The following CLDN17 variants were observed in gnomAD, a reference collection of about 807,000 sequenced individuals.
The protein encoded by CLDN17 is claudin 17.
CLDN17 carries 1 observed loss-of-function variant against 0.1 expected under a neutral mutation model. That is an observed-to-expected ratio of 8.90 (90% CI 3.16 to 42.21). The LOEUF is 42.21. Among genes scored for constraint, CLDN17 ranks in the 30% most tolerant of loss-of-function variants. The pLI is 0.11. For synonymous variants in CLDN17, 134 were observed against 106.7 expected, an observed-to-expected ratio of 1.26 and a Z score of -1.58; for missense variants, 294 against 274.9, an observed-to-expected ratio of 1.07 and a Z score of -0.49.
In CLDN17 at chr21:30,165,959, G is replaced by A. The variant is rs188114857; in HGVS notation, c.659C>T (p.Ser220Phe). ...AAGGAGGCATTAGACATAACTGGTGGAGGTCTTACTAAGCATTGTCGTATT... is the reference window on the plus strand; with the variant it reads ...AAGGAGGCATTAGACATAACTGGTGAAGGTCTTACTAAGCATTGTCGTATT... Reference protein sequence around the residue: ...RRNTTMLSKTSTSYV With the variant: ...RRNTTMLSKTFTSYV Residue 220 changes from serine (S) to phenylalanine (F), a missense_variant, in exon 1 of 1, where the codon TCC becomes TTC. Physicochemically the swap from Ser to Phe is radical, Grantham distance 155 (BLOSUM62 -2). Transcript: ENST00000286808. 253 of 1,613,890 alleles carry A rather than the reference G, an allele frequency of 1.6e-4. No homozygotes were observed. The East Asian group carries it at 5.5e-3, about 35-fold the overall frequency.
Position 30,166,256 on chromosome 21 carries a change from G to A in CLDN17, c.362C>T (p.Thr121Ile). 3 of 1,614,184 alleles carry A rather than the reference G, an allele frequency of 1.9e-6. No individual in the cohort carries two copies. The highest frequency in any genetic ancestry group is 1.7e-4 in the Middle Eastern group (1 of 6,060). ...CGTCAGGATGAAGAGGACTCCTGAA[G>A]TTCCCAGAAGGTATGCTTTGGCCCT... is the stretch of plus-strand genomic sequence containing the variant. ...NERAKAYLLG[T>I]SGVLFILTGI... The change falls in exon 1 of 1, where the codon ACT (threonine) becomes ATT (isoleucine). Residue 121 changes from threonine (T) to isoleucine (I), a missense_variant. Thr to Ile is a moderately conservative substitution (Grantham distance 89). Transcript: ENST00000286808.
chr21:30,166,277 G>T lies in CLDN17; in HGVS notation c.341C>A (p.Ala114Asp). 1.2e-6 allele frequency: 2 copies of T among 1,614,140 alleles called. No individual in the cohort carries two copies. The highest frequency in any genetic ancestry group is 1.7e-6 in the Non-Finnish European group (2 of 1,180,028). ...TGAAGTTCCCAGAAGGTATGCTTTG[G>T]CCCTCTCGTTAGAGCCTGTGCACTG... ...QVQCTGSNER[A>D]KAYLLGTSGV... The change falls in exon 1 of 1, where the codon GCC becomes GAC. Residue 114 changes from alanine to aspartate, a missense_variant. Coordinates refer to ENST00000286808, the MANE Select transcript of CLDN17 (RefSeq NM_012131.3).
In CLDN17 at chr21:30,166,177, A is replaced by G. The variant is rs1980841730; in HGVS notation, c.441T>C (p.Asp147=). Residue 147 remains aspartate (D), a synonymous_variant, in exon 1 of 1, where the codon GAT becomes GAC. Transcript: ENST00000286808. ...VSWTANIIIR[D]FYNPAIHIGQ... is the part of the protein sequence containing the mutation. ...CTATGTGGATGGCTGGGTTGTAGAAATCTCTGATGATTATATTGGCTGTCC... is the reference window on the plus strand; with the variant it reads ...CTATGTGGATGGCTGGGTTGTAGAAGTCTCTGATGATTATATTGGCTGTCC... The G allele has an allele frequency of 6.2e-7, 1 of 1,613,994 alleles. No homozygotes were observed. The highest frequency in any genetic ancestry group is 8.5e-7 in the Non-Finnish European group (1 of 1,180,018).
rs776055722 is a variant in CLDN17 at position 30,166,804 on chromosome 21, A to G, written c.-187T>C. The G allele has an allele frequency of 1.9e-5, 11 of 586,032 alleles. No individual in the cohort carries two copies. Among genetic ancestry groups the G allele is most frequent in the Non-Finnish European group, 3.1e-5 (10 of 325,630 alleles). The allele number at this position is 586,032 out of a possible 1,614,324, so 36.3% of individuals were successfully genotyped here. A position where few individuals can be genotyped will look rare whatever the true frequency, so the allele number is the denominator to read the frequency against. ...AACTAGAAGTACCTGTTGTAAATGC[A>G]TGTTGCCTTTTTTCATACACATTCA... On this transcript the variant is annotated 5_prime_UTR_variant, in exon 1 of 1. It removes an upstream start codon present in the reference 5' UTR. Transcript: ENST00000286808.
rs755362951 is a variant in CLDN17, at chr21:30,166,018, A to G, written c.600T>C (p.Pro200=). 6 of 1,614,230 alleles carry G rather than the reference A, an allele frequency of 3.7e-6. No individual in the cohort carries two copies. The South Asian group carries it at 4.4e-5, about 12-fold the overall frequency. The change falls in exon 1 of 1, where the codon CCT becomes CCC. Residue 200 remains proline (P), a synonymous_variant. Coordinates refer to ENST00000286808, the MANE Select transcript of CLDN17 (RefSeq NM_012131.3). The part of the protein sequence containing the change: ...RKKQGYRYPV[P]GYRVPHTDKR... ...TATCTGTGTGTGGCACACGGTAGCC[A>G]GGCACTGGATATCTGTACCCTTGCT...
Position 30,166,501 on chromosome 21 carries a change from G to A in CLDN17, c.117C>T (p.Asn39=), listed in dbSNP as rs775661818. ...CCCAGAGCCTCTCAAAGACAATAAT[G>A]TTGCTGCCAACAAAAGCTGATACTC... ...QWRVSAFVGS[N]IIVFERLWEG... is the part of the protein sequence containing the mutation. The change falls in exon 1 of 1, where the codon AAC becomes AAT. Residue 39 remains asparagine (N), a synonymous_variant. Transcript: ENST00000286808. 3.7e-6 allele frequency: 6 copies of A among 1,614,018 alleles called. No individual in the cohort carries two copies. Among genetic ancestry groups the A allele is most frequent in the East Asian group, 4.5e-5 (2 of 44,882 alleles).
In CLDN17 at chr21:30,165,634, C is replaced by T. The variant is rs2146492694; in HGVS notation, c.*309G>A. On this transcript the variant is annotated 3_prime_UTR_variant, in exon 1 of 1. Transcript: ENST00000286808. The stretch of plus-strand genomic sequence containing the variant: ...AACTTTAGATTCTTATCAGATAATA[C>T]ATGATGGTCAAAAAGTAATAAGTAG... The T allele has an allele frequency of 5.3e-6, 2 of 375,398 alleles. No homozygotes were observed. Among genetic ancestry groups the T allele is most frequent in the Non-Finnish European group, 9.6e-6 (2 of 208,218 alleles). The allele number at this position is 375,398 out of a possible 1,614,324, so 23.3% of individuals were successfully genotyped here. A position where few individuals can be genotyped will look rare whatever the true frequency, so the allele number is the denominator to read the frequency against.
Position 30,166,341 on chromosome 21 carries a change from T to C in CLDN17, c.277A>G (p.Ile93Val). ...LMCVAVALSLIALLIGICGMK... is the reference protein window; with the variant it reads ...LMCVAVALSLVALLIGICGMK... ...CCACAGATGCCAATAAGCAGGGCGA[T>C]CAAGGAGAGAGCAACAGCCACACAC... is the stretch of plus-strand genomic sequence containing the variant. Residue 93 changes from isoleucine to valine, a missense_variant, in exon 1 of 1, where the codon ATC (isoleucine) becomes GTC (valine). Transcript: ENST00000286808. 2 of 1,614,086 alleles carry C rather than the reference T, an allele frequency of 1.2e-6. No homozygotes were observed. The highest frequency in any genetic ancestry group is 1.1e-5 in the South Asian group (1 of 91,076).
In CLDN17 at chr21:30,165,994, A is replaced by C. The variant is rs770759302; in HGVS notation, c.624T>G (p.Asp208Glu). 6.2e-7 allele frequency: 1 copy of C among 1,614,174 alleles called. No individual in the cohort carries two copies. Residue 208 changes from aspartate (D) to glutamate (E), a missense_variant, in exon 1 of 1, where the codon GAT becomes GAG. Physicochemically the swap from Asp to Glu is conservative, Grantham distance 45. Coordinates refer to ENST00000286808, the MANE Select transcript of CLDN17 (RefSeq NM_012131.3). The part of the protein sequence containing the change: ...PVPGYRVPHT[D>E]KRRNTTMLSK... ...TAAGCATTGTCGTATTTCTTCGCTT[A>C]TCTGTGTGTGGCACACGGTAGCCAG...
Position 30,166,248 on chromosome 21 carries a change from C to T in CLDN17, c.370G>A (p.Val124Ile). The T allele has an allele frequency of 1.2e-6, 2 of 1,614,186 alleles. No individual in the cohort carries two copies. Among genetic ancestry groups the T allele is most frequent in the Non-Finnish European group, 1.7e-6 (2 of 1,180,030 alleles). The change falls in exon 1 of 1, where the codon GTC (valine) becomes ATC (isoleucine). Residue 124 changes from valine (V) to isoleucine (I), a missense_variant. Transcript: ENST00000286808. ...AKAYLLGTSG[V>I]LFILTGIFVL... ...AAGATGCCCGTCAGGATGAAGAGGACTCCTGAAGTTCCCAGAAGGTATGCT... is the reference window on the plus strand; with the variant it reads ...AAGATGCCCGTCAGGATGAAGAGGATTCCTGAAGTTCCCAGAAGGTATGCT...
In CLDN17 at chr21:30,166,079, C is replaced by A. The variant is rs1249719058; in HGVS notation, c.539G>T (p.Gly180Val). Residue 180 changes from glycine (G) to valine (V), a missense_variant, in exon 1 of 1, where the codon GGT becomes GTT. By Grantham distance (109) the Gly-to-Val change is moderately radical. Transcript: ENST00000286808. ...ASAAVLFIGG[G>V]LLCGFCCCNR... ...GCAGCAGCAAAATCCACAAAGCAGA[C>A]CCCCTCCAATGAAGAGGACAGCAGC... 5.6e-6 allele frequency: 9 copies of A among 1,614,166 alleles called. No individual in the cohort carries two copies. The highest frequency in any genetic ancestry group is 4.4e-5 in the South Asian group (4 of 91,080).
Position 30,165,999 on chromosome 21 carries a change from T to G in CLDN17, c.619A>C (p.Thr207Pro). Reference protein sequence around the residue: ...YPVPGYRVPHTDKRRNTTMLS... With the variant: ...YPVPGYRVPHPDKRRNTTMLS... ...ATTGTCGTATTTCTTCGCTTATCTG[T>G]GTGTGGCACACGGTAGCCAGGCACT... The change falls in exon 1 of 1, where the codon ACA becomes CCA. Residue 207 changes from threonine to proline, a missense_variant. By Grantham distance (38) the Thr-to-Pro change is conservative. Transcript: ENST00000286808. The G allele has an allele frequency of 6.2e-7, 1 of 1,614,208 alleles. No homozygotes were observed.
In CLDN17 at chr21:30,166,614, C is replaced by G. The variant is rs377630320; in HGVS notation, c.4G>C (p.Ala2Pro). The stretch of plus-strand genomic sequence containing the variant: ...CCAGCAATTTGCAAGGGATAAAATG[C>G]CATTGCCTTTACTTTGAAGACTGGT... M[A>P]FYPLQIAGLV... is the part of the protein sequence containing the mutation. The change falls in exon 1 of 1, where the codon GCA becomes CCA. Residue 2 changes from alanine (A) to proline (P), a missense_variant. Ala to Pro is a conservative substitution (Grantham distance 27). Transcript: ENST00000286808. 1 of 1,606,256 alleles carries G rather than the reference C, an allele frequency of 6.2e-7. No homozygotes were observed. The highest frequency in any genetic ancestry group is 1.1e-5 in the South Asian group (1 of 89,604).
rs57014707 is a variant in CLDN17, at chr21:30,165,835, G to A, written c.*108C>T. The A allele has an allele frequency of 5.7e-6, 6 of 1,050,588 alleles. No individual in the cohort carries two copies. In the African/African-American group the frequency reaches 8.0e-5, roughly 14 times the overall value. The allele number at this position is 1,050,588 out of a possible 1,614,324, so 65.1% of individuals were successfully genotyped here. On this transcript the variant is annotated 3_prime_UTR_variant, in exon 1 of 1. Transcript: ENST00000286808. ...AACAAATTGAAACTTTCGTATCAATGTAAATCTAGACATAAAGCAAGTTCT... is the reference window on the plus strand; with the variant it reads ...AACAAATTGAAACTTTCGTATCAATATAAATCTAGACATAAAGCAAGTTCT...
In CLDN17 at chr21:30,165,865, C is replaced by T. The variant is rs1980832508; in HGVS notation, c.*78G>A. ...TCTAGACATAAAGCAAGTTCTCCTG[C>T]CTCACATACTTACAGTTTCTAGCAG... On this transcript the variant is annotated 3_prime_UTR_variant, in exon 1 of 1. Coordinates refer to ENST00000286808, the MANE Select transcript of CLDN17 (RefSeq NM_012131.3). 3 of 1,337,680 alleles carry T rather than the reference C, an allele frequency of 2.2e-6. 1 individual carries two copies. The South Asian group carries it at 4.2e-5, about 19-fold the overall frequency. The allele number at this position is 1,337,680 out of a possible 1,614,324, so 82.9% of individuals were successfully genotyped here. A position where few individuals can be genotyped will look rare whatever the true frequency, so the allele number is the denominator to read the frequency against.
rs1314381760 is a variant in CLDN17, at chr21:30,166,225, G to C, written c.393C>G (p.Ile131Met). 1 of 1,614,200 alleles carries C rather than the reference G, an allele frequency of 6.2e-7. No homozygotes were observed. The highest frequency in any genetic ancestry group is 8.5e-7 in the Non-Finnish European group (1 of 1,180,042). ...TSGVLFILTG[I>M]FVLIPVSWTA... ...TCCAGCTCACCGGAATCAGAACGAAGATGCCCGTCAGGATGAAGAGGACTC... is the reference window on the plus strand; with the variant it reads ...TCCAGCTCACCGGAATCAGAACGAACATGCCCGTCAGGATGAAGAGGACTC... The change falls in exon 1 of 1, where the codon ATC becomes ATG. Residue 131 changes from isoleucine (I) to methionine (M), a missense_variant. Coordinates refer to ENST00000286808, the MANE Select transcript of CLDN17 (RefSeq NM_012131.3).
Position 30,165,989 on chromosome 21 carries a change from C to T in CLDN17, c.629G>A (p.Arg210Gln), listed in dbSNP as rs778036499. The stretch of plus-strand genomic sequence containing the variant: ...CTTACTAAGCATTGTCGTATTTCTT[C>T]GCTTATCTGTGTGTGGCACACGGTA... Reference protein sequence around the residue: ...PGYRVPHTDKRRNTTMLSKTS... With the variant: ...PGYRVPHTDKQRNTTMLSKTS... The change falls in exon 1 of 1, where the codon CGA (arginine) becomes CAA (glutamine). Residue 210 changes from arginine to glutamine, a missense_variant. Arg to Gln is a conservative substitution (Grantham distance 43, BLOSUM62 1). Transcript: ENST00000286808. The T allele has an allele frequency of 9.9e-6, 16 of 1,614,146 alleles. No homozygotes were observed. The highest frequency in any genetic ancestry group is 4.5e-5 in the East Asian group (2 of 44,872).
At position 30,166,598 on chromosome 21, in the gene CLDN17, T is replaced by G; in HGVS notation, c.20A>C (p.Gln7Pro). The G allele has an allele frequency of 6.2e-7, 1 of 1,611,850 alleles. No homozygotes were observed. The highest frequency in any genetic ancestry group is 8.5e-7 in the Non-Finnish European group (1 of 1,179,174). The change falls in exon 1 of 1, where the codon CAA becomes CCA. Residue 7 changes from glutamine (Q) to proline (P), a missense_variant. Coordinates refer to ENST00000286808, the MANE Select transcript of CLDN17 (RefSeq NM_012131.3). Reference sequence around the variant, plus strand: ...GAACCCAAGAACCAGCCCAGCAATTTGCAAGGGATAAAATGCCATTGCCTT... The same window carrying G: ...GAACCCAAGAACCAGCCCAGCAATTGGCAAGGGATAAAATGCCATTGCCTT... MAFYPL[Q>P]IAGLVLGFLG...
At position 30,166,296 on chromosome 21, in the gene CLDN17, T is replaced by C. The variant is rs762466073; in HGVS notation, c.322A>G (p.Thr108Ala). The C allele has an allele frequency of 1.1e-5, 17 of 1,614,060 alleles. No homozygotes were observed. Among genetic ancestry groups the C allele is most frequent in the Non-Finnish European group, 1.4e-5 (17 of 1,180,046 alleles). The change falls in exon 1 of 1, where the codon ACA becomes GCA. Residue 108 changes from threonine to alanine, a missense_variant. Transcript: ENST00000286808. The stretch of plus-strand genomic sequence containing the variant: ...GCTTTGGCCCTCTCGTTAGAGCCTG[T>C]GCACTGGACCTGCTTCATGCCACAG... The part of the protein sequence containing the change: ...GICGMKQVQC[T>A]GSNERAKAYL...
Sources: gnomAD v4.1 joint callset for allele counts on GRCh38, gnomAD v4.1.1 for gene constraint, MANE v1.5 for transcripts, NCBI Gene and HGNC (gene_info 2026-07-23, HGNC 2026-07-21) for gene names.